SLC44A5: variants seen among roughly 807,000 people sequenced by gnomAD.
SLC44A5 encodes the protein choline transporter-like protein 5.
In SLC44A5, 57 loss-of-function variants were observed where a neutral mutation model predicts 101.8. That is an observed-to-expected ratio of 0.56 (90% CI 0.45 to 0.70). The LOEUF is 0.70. Ranked by LOEUF, SLC44A5 falls within the 30% of genes least tolerant of loss-of-function variation. SLC44A5 has a pLI of 0.00. For missense variants in SLC44A5, 737 were observed against 853.1 expected, an observed-to-expected ratio of 0.86 and a Z score of 1.70; for synonymous variants, 281 against 290.9, an observed-to-expected ratio of 0.97 and a Z score of 0.35.
chr1:75,285,500 C>A (rs1425971563), intron 5 of SLC44A5, among the ~76,000 whole-genome samples: 3 of 151,504 alleles, frequency 2.0e-5, no homozygotes, highest in Non-Finnish European at 2.9e-5. Flanking sequence ...TATTTCTTTT[C>A]TTCTACTGGG....
intron 4 of SLC44A5, among the ~76,000 whole-genome samples, chr1:75,334,031 A>G (rs946520398): frequency 1.3e-5 from 2 of 151,786 alleles, no homozygotes; most frequent in African/African-American, 2.4e-5. Flanking sequence ...TTGTCATCCA[A>G]CTCTTACCTG....
At chr1:75,349,508 G>T (rs964404062) in intron 3 of SLC44A5, among the ~76,000 whole-genome samples, 1 of 152,094 alleles carries the variant, frequency 6.6e-6, no homozygotes, top group Non-Finnish European at 1.5e-5. Flanking sequence ...TTCTATATCT[G>T]GTGAAAATAT....
At chr1:75,271,890 A>T (rs953265981) in intron 6 of SLC44A5, among the ~76,000 whole-genome samples, 2 of 152,170 alleles carry the variant, frequency 1.3e-5, no homozygotes, top group Non-Finnish European at 2.9e-5. Context: ...AGGAAACCCC[A>T]TACTGTTTTC....
intron 2 of SLC44A5, among the ~76,000 whole-genome samples, chr1:75,476,182 CAA>C (rs968032137): frequency 1.5e-4 from 21 of 142,598 alleles, no homozygotes; most frequent in African/African-American, 5.4e-4. Flanking sequence ...GATTCTGTAT[CAA>C]AAAAAAAAGT....
At chr1:75,488,123 C>T (rs570794137) in intron 2 of SLC44A5, among the ~76,000 whole-genome samples, 3 of 152,300 alleles carry the variant, frequency 2.0e-5, no homozygotes, top group South Asian at 4.1e-4. Flanking sequence ...TAAGCTCAGG[C>T]CTCCCACTGA....
chr1:75,541,623 C>T lies in SLC44A5; in HGVS notation c.-69-107G>A. 5.0e-6 allele frequency: 3 copies of T among 602,936 alleles called. No individual in the cohort carries two copies. In the South Asian group the frequency reaches 9.0e-5, roughly 18 times the overall value. 37.3% of individuals were successfully genotyped at this position (602,936 alleles called of 1,614,324 possible). A position where few individuals can be genotyped will look rare whatever the true frequency, so the allele number is the denominator to read the frequency against. On this transcript the variant is annotated intron_variant, in intron 1 of 23. Transcript: ENST00000370859. ...TCATAACTTACTATAATTTACTCTC[C>T]CCAAAAACTCAGAGAATTAGCCTAA...
the SLC44A5 span, among the ~76,000 whole-genome samples, chr1:75,685,217 AT>A: frequency 1.3e-5 from 2 of 150,742 alleles, no homozygotes; most frequent in Non-Finnish European, 3.0e-5. Flanking sequence ...CCACAAAACC[AT>A]TTTTTTTTCC....
intron 1 of SLC44A5, among the ~76,000 whole-genome samples, chr1:75,592,241 CA>C (rs1016155946): frequency 8.0e-5 from 12 of 149,734 alleles, no homozygotes; most frequent in East Asian, 2.0e-4. Flanking sequence ...GTGAACAATG[CA>C]AAAAAAAATT....
intron 3 of SLC44A5, among the ~76,000 whole-genome samples, chr1:75,366,527 G>A (rs1052115987): frequency 6.6e-6 from 1 of 152,022 alleles, no homozygotes; most frequent in Non-Finnish European, 1.5e-5. Context: ...GACCTTTCTT[G>A]GGGACCTTTA....
rs140442719 is a variant in SLC44A5, at chr1:75,567,541, T to C, written c.-69-26025A>G. 1.5e-4 allele frequency among the ~76,000 whole-genome samples: 23 copies of C among 152,304 alleles called. No individual in the cohort carries two copies. The East Asian group carries it at 4.5e-3, about 29-fold the overall frequency. ...TCATATAGGATGGCCTGGTTCAATA[T>C]TGTTGGATAACAAAAGAAAGGAAAT... On this transcript the variant is annotated intron_variant, in intron 1 of 23. Transcript: ENST00000370859.
intron 2 of SLC44A5, among the ~76,000 whole-genome samples, chr1:75,539,525 T>C (rs1671237612): frequency 6.6e-6 from 1 of 152,208 alleles, no homozygotes; most frequent in Non-Finnish European, 1.5e-5. Context: ...CTACGTTATT[T>C]TCTATGCCTT....
intron 2 of SLC44A5, among the ~76,000 whole-genome samples, chr1:75,462,048 T>G (rs1462856576): frequency 2.6e-5 from 4 of 152,184 alleles, no homozygotes; most frequent in Non-Finnish European, 5.9e-5. Flanking sequence ...ACATAGGCCA[T>G]AGCCAGGGAG....
intron 5 of SLC44A5, among the ~76,000 whole-genome samples, chr1:75,277,851 T>C (rs1652059131): frequency 6.6e-6 from 1 of 152,152 alleles, no homozygotes; most frequent in Non-Finnish European, 1.5e-5. Context: ...CCACACAGCC[T>C]CTGGCACAGA....
chr1:75,595,089 A>G (rs777502095), intron 1 of SLC44A5, among the ~76,000 whole-genome samples: 1 of 152,068 alleles, frequency 6.6e-6, no homozygotes, highest in African/African-American at 2.4e-5. Context: ...ATTATATCAA[A>G]AGAAGAAAGA....
In SLC44A5 at chr1:75,590,796, A is replaced by G. The variant is rs76122305; in HGVS notation, c.-70+20244T>C. On this transcript the variant is annotated intron_variant, in intron 1 of 23. Coordinates refer to ENST00000370859, the MANE Select transcript of SLC44A5 (RefSeq NM_001130058.2). ...CCAGGTCAACAACAATAAATAGAAA[A>G]TCAGATAGATTCCTAAGGTTTTTGA... Among the ~76,000 whole-genome samples, 113 of 152,166 alleles carry G rather than the reference A, an allele frequency of 7.4e-4. No individual in the cohort carries two copies. In the East Asian group the frequency reaches 0.019, roughly 26 times the overall value.
intron 4 of SLC44A5, among the ~76,000 whole-genome samples, chr1:75,315,630 C>A (rs1655632728): frequency 6.6e-6 from 1 of 152,138 alleles, no homozygotes; most frequent in East Asian, 1.9e-4. Flanking sequence ...TTCTCATGAT[C>A]TTCTAATTCT....
rs190087854 is a variant in SLC44A5 at position 75,331,576 on chromosome 1, C to G, written c.101+8006G>C. ...ATCTCCTTGCTTCTGATTTTGGACA[C>G]TTAAATTCTCCACAGAGCAGTCAGG... On this transcript the variant is annotated intron_variant, in intron 4 of 23. Transcript: ENST00000370859. Among the ~76,000 whole-genome samples, 222 of 152,250 alleles carry G rather than the reference C, an allele frequency of 1.5e-3. 1 individual carries two copies. The highest frequency in any genetic ancestry group is 5.2e-3 in the African/African-American group (216 of 41,558).
At chr1:75,329,363 C>T (rs1374612323) in intron 4 of SLC44A5, among the ~76,000 whole-genome samples, 1 of 152,158 alleles carries the variant, frequency 6.6e-6, no homozygotes, top group Non-Finnish European at 1.5e-5. Context: ...GAATCCAATT[C>T]TCTTTTCCAT....
the SLC44A5 span, among the ~76,000 whole-genome samples, chr1:75,626,415 G>A: frequency 6.6e-6 from 1 of 152,108 alleles, no homozygotes; most frequent in African/African-American, 2.4e-5. Flanking sequence ...GTGTTCCATT[G>A]CTCATAGAAA....
Sources: allele counts gnomAD v4.1 joint callset (sites outside exome capture counted in the v4.1 genomes callset), GRCh38; gene constraint gnomAD v4.1.1; transcripts MANE v1.5; gene names NCBI Gene and HGNC (gene_info 2026-07-23, HGNC 2026-07-21).